Variants in TBC1D1 observed in about 807,000 individuals in gnomAD.
The protein encoded by TBC1D1 is TBC1 domain family member 1.
A neutral mutation model predicts 125.6 loss-of-function variants in TBC1D1; 89 were observed. That is an observed-to-expected ratio of 0.71 (90% CI 0.60 to 0.85). TBC1D1 has a LOEUF of 0.85. TBC1D1 is among the 40% of genes least tolerant of loss of function. The pLI, the probability that TBC1D1 is intolerant of heterozygous loss-of-function variation, is 0.00. For missense variants in TBC1D1, 1,377 were observed against 1,469.2 expected, an observed-to-expected ratio of 0.94 and a Z score of 1.03; for synonymous variants, 565 against 564.1, an observed-to-expected ratio of 1.00 and a Z score of -0.02.
Position 37,995,653 on chromosome 4 carries a change from T to C in TBC1D1, c.418-18856T>C. 1.9e-6 allele frequency: 1 copy of C among 513,676 alleles called. No homozygotes were observed. The highest frequency in any genetic ancestry group is 2.0e-5 in the Admixed American group (1 of 50,858). The allele number at this position is 513,676 out of a possible 1,614,324, so 31.8% of individuals were successfully genotyped here. On this transcript the variant is annotated intron_variant, in intron 2 of 19. Transcript: ENST00000261439. This position sits in a 1 kb window ranked among gnomAD's most constrained non-coding sequence, Gnocchi z 4.3. ...ATCTCACTTTTGCACCAACGCCTGG[T>C]AATCCATTACATGGGTCTCCTTGGA...
chr4:37,949,369 T>C (rs1260635189), intron 2 of TBC1D1, among the ~76,000 whole-genome samples: 1 of 152,222 alleles, frequency 6.6e-6, no homozygotes, highest in African/African-American at 2.4e-5. Flanking sequence ...ATTAGGTTGA[T>C]GTATTTTTTC....
chr4:37,992,439 A>G (rs1048317905), intron 2 of TBC1D1, among the ~76,000 whole-genome samples: 1 of 152,138 alleles, frequency 6.6e-6, no homozygotes, highest in Non-Finnish European at 1.5e-5. Flanking sequence ...TATTTTAAGG[A>G]AAAGAGAATG....
intron 12 of TBC1D1, among the ~76,000 whole-genome samples, chr4:38,064,508 A>G (rs78783265): frequency 0.14 from 21,707 of 152,094 alleles, 1,676 homozygotes; most frequent in Non-Finnish European, 0.16. Flanking sequence ...CACTGCCCTC[A>G]TGAGTGTGTG....
intron 16 of TBC1D1, among the ~76,000 whole-genome samples, chr4:38,117,312 A>C (rs1230291168): frequency 6.6e-6 from 1 of 151,538 alleles, no homozygotes; most frequent in African/African-American, 2.4e-5. Flanking sequence ...AGGCCGTGGC[A>C]CTGCTCAGAT....
intron 6 of TBC1D1, among the ~76,000 whole-genome samples, chr4:38,025,359 G>A (rs1447969168): frequency 6.6e-6 from 1 of 152,202 alleles, no homozygotes; most frequent in African/African-American, 2.4e-5. Flanking sequence ...GAACTGAAGG[G>A]TGCTTTCAGT....
At chr4:38,004,232 A>G (rs1185583494) in intron 2 of TBC1D1, among the ~76,000 whole-genome samples, 1 of 152,134 alleles carries the variant, frequency 6.6e-6, no homozygotes, top group Admixed American at 6.5e-5. Flanking sequence ...TACTCTTTTA[A>G]AGGTTATTCT....
chr4:38,124,069 TACTG>T (rs1364101932), intron 17 of TBC1D1, among the ~76,000 whole-genome samples: 3 of 152,256 alleles, frequency 2.0e-5, no homozygotes, highest in African/African-American at 4.8e-5. Flanking sequence ...AGAAAAGAAA[TACTG>T]ACACTTGCCT....
At position 38,041,063 on chromosome 4, in the gene TBC1D1, A is replaced by G. The variant is rs542123100; in HGVS notation, c.1414-3299A>G. On this transcript the variant is annotated intron_variant, in intron 8 of 19. Transcript: ENST00000261439. ...AGCCATTCTTTTGATGCATATTCTC[A>G]TTCTCATAGAGAGTCCAATTATGGA... 7.2e-5 allele frequency among the ~76,000 whole-genome samples: 11 copies of G among 152,332 alleles called. No homozygotes were observed. The East Asian group carries it at 1.9e-3, about 27-fold the overall frequency.
chr4:38,022,516 T>C (rs1261012197), intron 6 of TBC1D1, among the ~76,000 whole-genome samples: 1 of 152,198 alleles, frequency 6.6e-6, no homozygotes, highest in Non-Finnish European at 1.5e-5. Flanking sequence ...AAGGCCATAC[T>C]GGAGAAAGAC....
At chr4:38,019,373 G>A (rs1743512863) in intron 4 of TBC1D1, among the ~76,000 whole-genome samples, 3 of 152,152 alleles carry the variant, frequency 2.0e-5, no homozygotes, top group Admixed American at 1.3e-4. Flanking sequence ...TTAAGTGGTA[G>A]CCTTATGCTT....
At chr4:38,054,153 T>C (rs1213305902) in intron 11 of TBC1D1, 46 bp from the exon 14 acceptor site, 1 of 1,586,544 alleles carries the variant, frequency 6.3e-7, no homozygotes, top group South Asian at 1.1e-5. Flanking sequence ...CAAAATCCCG[T>C]GAATTCCTCC....
chr4:38,067,984 A>G (rs548190367), intron 12 of TBC1D1, among the ~76,000 whole-genome samples: 4 of 152,246 alleles, frequency 2.6e-5, no homozygotes, highest in African/African-American at 7.2e-5. Context: ...CCAGTGAGGG[A>G]TTGTTCTCGC....
At chr4:37,964,633 T>C (rs1730721568) in intron 2 of TBC1D1, among the ~76,000 whole-genome samples, 1 of 152,228 alleles carries the variant, frequency 6.6e-6, no homozygotes, top group Non-Finnish European at 1.5e-5. Flanking sequence ...CAGCGTAGCC[T>C]GGATGGGGAC....
intron 2 of TBC1D1, among the ~76,000 whole-genome samples, chr4:37,945,511 TCAAAAAAAAAAA>T (rs1726500398): frequency 3.7e-5 from 1 of 27,250 alleles, no homozygotes; most frequent in Non-Finnish European, 5.9e-5. Flanking sequence ...AGACTCCACC[TCAAAAAAAAAAA>T]AAAAAAAAAA....
chr4:38,037,562 T>C (rs992192670), intron 8 of TBC1D1, among the ~76,000 whole-genome samples: 25 of 152,166 alleles, frequency 1.6e-4, no homozygotes, highest in African/African-American at 6.0e-4. Context: ...CTTTTCATGT[T>C]TTCTGCTATC....
chr4:38,048,177 T>C (rs976446897), intron 10 of TBC1D1, among the ~76,000 whole-genome samples: 2 of 152,228 alleles, frequency 1.3e-5, no homozygotes, highest in African/African-American at 4.8e-5. Flanking sequence ...TTTTATGTAA[T>C]TGGATCCCTT....
At chr4:38,123,824 G>A (rs532960201) in intron 17 of TBC1D1, among the ~76,000 whole-genome samples, 1 of 152,362 alleles carries the variant, frequency 6.6e-6, no homozygotes, top group South Asian at 2.1e-4. Context: ...GGGCTCCTGG[G>A]TCTGTCATCT....
intron 2 of TBC1D1, among the ~76,000 whole-genome samples, chr4:37,957,388 G>A (rs1729143268): frequency 1.3e-5 from 2 of 152,162 alleles, no homozygotes; most frequent in African/African-American, 4.8e-5. Flanking sequence ...GGGAAGCCAA[G>A]GCAGGAGGAT....
chr4:37,939,956 T>C (rs1369081307), intron 2 of TBC1D1, among the ~76,000 whole-genome samples: 1 of 152,236 alleles, frequency 6.6e-6, no homozygotes, highest in Non-Finnish European at 1.5e-5. Flanking sequence ...TCAGGTAGCA[T>C]GATGCTTCCA....
Sources: gnomAD v4.1 joint callset for allele counts (sites outside exome capture counted in the v4.1 genomes callset) on GRCh38, gnomAD v4.1.1 for gene constraint, Gnocchi (gnomAD v3.1) non-coding constraint, MANE v1.5 for transcripts, NCBI Gene and HGNC (gene_info 2026-07-23, HGNC 2026-07-21) for gene names.